RNF138: variants seen among roughly 807,000 people sequenced by gnomAD.
The protein encoded by RNF138 is E3 ubiquitin-protein ligase RNF138.
RNF138 carries 12 observed loss-of-function variants against 31.0 expected under a neutral mutation model. That is an observed-to-expected ratio of 0.39 (90% CI 0.25 to 0.63). The LOEUF (loss-of-function observed/expected upper bound fraction) is 0.63. RNF138 is among the 20% of genes least tolerant of loss of function. RNF138 has a pLI of 0.52. For missense variants in RNF138, 192 were observed against 300.1 expected (o/e 0.64, Z 2.66); for synonymous variants, 105 against 99.5 (o/e 1.06, Z -0.33).
intron 7 of RNF138, among the ~76,000 whole-genome samples, 193 bp from the exon 8 acceptor site, chr18:32,128,926 T>C (rs1173229128): frequency 6.6e-6 from 1 of 152,224 alleles, no homozygotes; most frequent in Admixed American, 6.5e-5. Flanking sequence ...CTGAACTTAA[T>C]GTCTTATTAA....
rs369851930 is a variant in RNF138 at position 32,104,140 on chromosome 18, A to G, written c.111-7614A>G. On this transcript the variant is annotated intron_variant, in intron 2 of 7. Transcript: ENST00000261593. ...GCAATTCTAGTGACTTAGCCTCCCAAATAGTTGGGATTACAGGTATATGCC... is the reference window on the plus strand; with the variant it reads ...GCAATTCTAGTGACTTAGCCTCCCAGATAGTTGGGATTACAGGTATATGCC... Among the ~76,000 whole-genome samples, 13 of 151,462 alleles carry G rather than the reference A, an allele frequency of 8.6e-5. No homozygotes were observed. In the East Asian group the frequency reaches 2.0e-3, roughly 23 times the overall value.
In RNF138 at chr18:32,129,447, ACTTTAT is replaced by A; in HGVS notation, c.*265_*270del. On this transcript the variant is annotated 3_prime_UTR_variant, in exon 8 of 8. Transcript: ENST00000261593. ...AACGGTGAAAGAGAATCCCTGTTGT[ACTTTAT>A]CTTTTTGTAATATTATTTTTGAATT... is the stretch of plus-strand genomic sequence containing the variant. 1 of 329,576 alleles carries A rather than the reference ACTTTAT, an allele frequency of 3.0e-6. No individual in the cohort carries two copies. The highest frequency in any genetic ancestry group is 5.5e-6 in the Non-Finnish European group (1 of 180,482). The allele number at this position is 329,576 out of a possible 1,614,324, so 20.4% of individuals were successfully genotyped here.
At chr18:32,116,878 C>G (rs1322947636) in intron 4 of RNF138, among the ~76,000 whole-genome samples, 1 of 151,358 alleles carries the variant, frequency 6.6e-6, no homozygotes, top group Non-Finnish European at 1.5e-5. Context: ...AGCCACCACG[C>G]CTGGCCAGAA....
At chr18:32,097,798 T>A (rs1275782913) in intron 2 of RNF138, among the ~76,000 whole-genome samples, 1 of 151,894 alleles carries the variant, frequency 6.6e-6, no homozygotes, top group Non-Finnish European at 1.5e-5. Flanking sequence ...GCTGGGATTA[T>A]AGGCATGAGC....
chr18:32,096,073 C>T (rs1051954956), intron 2 of RNF138, among the ~76,000 whole-genome samples: 1 of 152,110 alleles, frequency 6.6e-6, no homozygotes, highest in East Asian at 1.9e-4. Context: ...CCAAAGACAG[C>T]GTAGTGGAGA....
chr18:32,131,039 A>G lies in RNF138; in HGVS notation c.*1852A>G, dbSNP rs186681147. On this transcript the variant is annotated 3_prime_UTR_variant, in exon 8 of 8. Transcript: ENST00000261593. Reference sequence around the variant, plus strand: ...GGATTTGCAAAGTTTAATACATCCAATATGTCAAGTTAAACCATTCTGGGA... The same window carrying G: ...GGATTTGCAAAGTTTAATACATCCAGTATGTCAAGTTAAACCATTCTGGGA... The G allele has an allele frequency of 3.3e-5, 5 of 151,468 alleles. No homozygotes were observed. In the East Asian group the frequency reaches 9.8e-4, roughly 30 times the overall value. 9.4% of individuals were successfully genotyped at this position (151,468 alleles called of 1,614,324 possible).
In RNF138 at chr18:32,092,898, C is replaced by T. The variant is rs1488522787; in HGVS notation, c.110+12C>T. The T allele has an allele frequency of 2.1e-6, 3 of 1,446,924 alleles. No homozygotes were observed. Among genetic ancestry groups the T allele is most frequent in the Middle Eastern group, 1.7e-4 (1 of 5,746 alleles). The allele number at this position is 1,446,924 out of a possible 1,614,324, so 89.6% of individuals were successfully genotyped here. A position where few individuals can be genotyped will look rare whatever the true frequency, so the allele number is the denominator to read the frequency against. ...GCCTGTCAGCACGTGTGAGTAGACG[C>T]CCCCTCCCCCTCGCGGAGCCGGGTT... On this transcript the variant is annotated intron_variant, in intron 2 of 7. Coordinates refer to ENST00000261593, the MANE Select transcript of RNF138 (RefSeq NM_016271.5).
intron 2 of RNF138, among the ~76,000 whole-genome samples, chr18:32,099,097 G>T (rs1263080393): frequency 1.3e-5 from 2 of 152,038 alleles, no homozygotes; most frequent in Non-Finnish European, 2.9e-5. Flanking sequence ...AATGCGTAAT[G>T]GAAATTCGTC....
intron 5 of RNF138, 121 bp downstream of exon 5, chr18:32,123,695 C>T (rs2040341648): frequency 3.3e-6 from 2 of 608,580 alleles, no homozygotes; most frequent in Non-Finnish European, 2.6e-6. Context: ...TTTGTTTTCC[C>T]AGGCTGGAGT....
chr18:32,115,325 T>C (rs2040197151), intron 4 of RNF138, among the ~76,000 whole-genome samples: 1 of 152,204 alleles, frequency 6.6e-6, no homozygotes, highest in Non-Finnish European at 1.5e-5. Flanking sequence ...TATTTTATCT[T>C]GTCACTTCCC....
At chr18:32,117,264 A>G (rs1260123239) in intron 4 of RNF138, among the ~76,000 whole-genome samples, 2 of 152,040 alleles carry the variant, frequency 1.3e-5, no homozygotes, top group African/African-American at 2.4e-5. Flanking sequence ...CGGTCTGAGC[A>G]GGAAACAGTG....
intron 7 of RNF138, among the ~76,000 whole-genome samples, chr18:32,128,422 T>C (rs114142866): frequency 0.029 from 4,392 of 152,066 alleles, 221 homozygotes; most frequent in African/African-American, 0.1. Flanking sequence ...TCTGTAATCC[T>C]AGCTACTTGG....
intron 2 of RNF138, among the ~76,000 whole-genome samples, chr18:32,096,437 C>T (rs546449412): frequency 2.0e-5 from 3 of 152,176 alleles, no homozygotes; most frequent in African/African-American, 7.2e-5. Context: ...AGTGTGTATA[C>T]CATATGTAGA....
intron 3 of RNF138, among the ~76,000 whole-genome samples, chr18:32,113,355 G>T (rs1416345678): frequency 9.8e-5 from 11 of 111,746 alleles, no homozygotes; most frequent in African/African-American, 3.0e-4. Flanking sequence ...ACTGCACCCA[G>T]CCAGGAACTT....
At chr18:32,127,650 CA>C (rs1453806110) in intron 7 of RNF138, among the ~76,000 whole-genome samples, 1 of 152,146 alleles carries the variant, frequency 6.6e-6, no homozygotes, top group Non-Finnish European at 1.5e-5. Context: ...ATTGCTTTAG[CA>C]ATTTTATAAA....
chr18:32,125,061 G>T (rs563023114), intron 6 of RNF138: 2 of 479,702 alleles, frequency 4.2e-6, no homozygotes, highest in East Asian at 6.9e-5. Context: ...GATGCATAGT[G>T]TGAGGTAATA....
At chr18:32,092,678 T>A (rs1160705938) in intron 1 of RNF138, 22 bp from the exon 2 acceptor site, 2 of 703,548 alleles carry the variant, frequency 2.8e-6, no homozygotes, top group Admixed American at 2.1e-5. Context: ...GCGATCCCCC[T>A]CCCCCCTCCG....
rs748204194 is a variant in RNF138, at chr18:32,111,782, A to G, written c.139A>G (p.Met47Val). The G allele has an allele frequency of 6.8e-6, 11 of 1,612,480 alleles. No individual in the cohort carries two copies. Among genetic ancestry groups the G allele is most frequent in the African/African-American group, 4.0e-5 (3 of 74,874 alleles). ...CTGTAGAAAATGTTTCCTGACTGCAATGAGGGAAAGCGGAGCACATTGTCC... is the reference window on the plus strand; with the variant it reads ...CTGTAGAAAATGTTTCCTGACTGCAGTGAGGGAAAGCGGAGCACATTGTCC... The part of the protein sequence containing the change: ...VFCRKCFLTA[M>V]RESGAHCPLC... The change falls in exon 3 of 8, where the codon ATG becomes GTG. Residue 47 changes from methionine (M) to valine (V), a missense_variant. Around this residue, in one of 2 missense-constraint regions of RNF138, gnomAD observed 140 missense variants for 251.7 expected, o/e 0.56. Transcript: ENST00000261593.
At chr18:32,107,284 C>A (rs553920465) in intron 2 of RNF138, among the ~76,000 whole-genome samples, 2 of 151,384 alleles carry the variant, frequency 1.3e-5, no homozygotes, top group South Asian at 4.2e-4. Context: ...CCACGCCCAG[C>A]TAATTTTTTT....
Sources: allele counts gnomAD v4.1 joint callset (sites outside exome capture counted in the v4.1 genomes callset), GRCh38; gene constraint gnomAD v4.1.1; regional missense constraint gnomAD v4.1.1; transcripts MANE v1.5; gene names NCBI Gene and HGNC (gene_info 2026-07-23, HGNC 2026-07-21).